The following QPCT variants were observed in gnomAD, a reference collection of about 807,000 sequenced individuals.
QPCT encodes glutaminyl-peptide cyclotransferase.
QPCT carries 44 observed loss-of-function variants against 43.4 expected under a neutral mutation model. That is an observed-to-expected ratio of 1.01 (90% CI 0.80 to 1.30). The LOEUF is 1.30. Ranked by LOEUF, QPCT falls within the 50% of genes most tolerant of loss-of-function variation. The pLI is 0.00. For synonymous variants in QPCT, 168 were observed against 168.4 expected (o/e 1.00, Z 0.02); for missense variants, 526 against 436.5 (o/e 1.21, Z -1.83).
chr2:37,356,462 T>C (rs773069303), intron 2 of QPCT, among the ~76,000 whole-genome samples: 6 of 152,172 alleles, frequency 3.9e-5, no homozygotes, highest in African/African-American at 9.7e-5. Flanking sequence ...TGCTTTGGTA[T>C]TGGGGAAGGC....
At chr2:37,354,111 G>T (rs10189564) in intron 2 of QPCT, among the ~76,000 whole-genome samples, 1 of 152,154 alleles carries the variant, frequency 6.6e-6, no homozygotes, top group Non-Finnish European at 1.5e-5. Flanking sequence ...TGATCCGCCC[G>T]CCTCGGCCTC....
intron 3 of QPCT, among the ~76,000 whole-genome samples, chr2:37,360,665 T>C (rs1439834110): frequency 6.6e-6 from 1 of 152,218 alleles, no homozygotes; most frequent in Admixed American, 6.5e-5. Flanking sequence ...TATCTTGTAA[T>C]GGAAGTAGTA....
At chr2:37,347,377 G>A (rs982608551) in intron 1 of QPCT, among the ~76,000 whole-genome samples, 3 of 150,344 alleles carry the variant, frequency 2.0e-5, no homozygotes, top group South Asian at 4.2e-4. Flanking sequence ...GCTAGGGTTT[G>A]GCTTAAGCCC....
At chr2:37,360,137 A>C (rs1418109585) in intron 3 of QPCT, 2 of 409,408 alleles carry the variant, frequency 4.9e-6, no homozygotes, top group African/African-American at 2.0e-5. Flanking sequence ...AAAATGAAGG[A>C]GGAAGTTTGT....
intron 4 of QPCT, chr2:37,368,791 C>T: frequency 2.4e-6 from 1 of 409,974 alleles, no homozygotes; most frequent in South Asian, 1.8e-5. Context: ...TATGAAGCCA[C>T]AGTGATTCAT....
intron 1 of QPCT, among the ~76,000 whole-genome samples, chr2:37,345,761 GGGGGGC>G (rs1672473621): frequency 6.6e-6 from 1 of 151,694 alleles, no homozygotes; most frequent in Non-Finnish European, 1.5e-5. Flanking sequence ...GCGTGAACCC[GGGGGGC>G]GGAGCTTGCA....
rs1672982034 is a variant in QPCT at position 37,367,304 on chromosome 2, T to C, written c.619T>C (p.Trp207Arg). Residue 207 changes from tryptophan (W) to arginine (R), a missense_variant, in exon 4 of 7, where the codon TGG becomes CGG. Trp to Arg is a moderately radical substitution (Grantham distance 101). Coordinates refer to ENST00000338415, the MANE Select transcript of QPCT (RefSeq NM_012413.4). Reference sequence around the variant, plus strand: ...TGATGGTGAAGAGGCTTTTCTTCACTGGTCTCCTCAAGATTCTCTCTATGG... The same window carrying C: ...TGATGGTGAAGAGGCTTTTCTTCACCGGTCTCCTCAAGATTCTCTCTATGG... ...FFDGEEAFLH[W>R]SPQDSLYGSR... 6.2e-7 allele frequency: 1 copy of C among 1,614,116 alleles called. No individual in the cohort carries two copies. Among genetic ancestry groups the C allele is most frequent in the Non-Finnish European group, 8.5e-7 (1 of 1,179,958 alleles).
intron 2 of QPCT, among the ~76,000 whole-genome samples, chr2:37,355,989 A>G (rs1416642793): frequency 6.6e-6 from 1 of 152,102 alleles, no homozygotes; most frequent in Non-Finnish European, 1.5e-5. Flanking sequence ...TGCACTCAAG[A>G]GTAAAGAGGT....
intron 3 of QPCT, among the ~76,000 whole-genome samples, chr2:37,362,868 A>G (rs967058623): frequency 3.3e-5 from 5 of 152,176 alleles, no homozygotes; most frequent in African/African-American, 1.2e-4. Flanking sequence ...GAATATGTGG[A>G]TGTAGAGATT....
intron 1 of QPCT, among the ~76,000 whole-genome samples, chr2:37,346,945 G>A (rs1672500233): frequency 6.6e-6 from 1 of 151,418 alleles, no homozygotes; most frequent in African/African-American, 2.4e-5. Flanking sequence ...TTGAAATAAA[G>A]ATGTTTCTCT....
chr2:37,366,173 G>A (rs1428662091), intron 3 of QPCT, among the ~76,000 whole-genome samples: 1 of 152,222 alleles, frequency 6.6e-6, no homozygotes, highest in Non-Finnish European at 1.5e-5. Context: ...AGGGGTTCCA[G>A]TGGGATTGAA....
At chr2:37,372,496 T>TTG (rs763247640) in intron 6 of QPCT, 24 bp downstream of exon 6, 49 of 1,460,928 alleles carry the variant, frequency 3.4e-5, no homozygotes, top group Admixed American at 1.0e-4. Flanking sequence ...GTGTGTGTGT[T>TTG]TGTGTGTGTG....
chr2:37,360,877 T>C (rs1386437482), intron 3 of QPCT, among the ~76,000 whole-genome samples: 1 of 152,220 alleles, frequency 6.6e-6, no homozygotes, highest in Non-Finnish European at 1.5e-5. Context: ...CAAAAGCTGA[T>C]GCAAAAGTCT....
intron 4 of QPCT, 55 bp from the exon 5 acceptor site, chr2:37,369,630 T>C (rs562647459): frequency 1.4e-5 from 18 of 1,306,540 alleles, no homozygotes; most frequent in Admixed American, 8.5e-5. Flanking sequence ...TCCCTGTTGA[T>C]GAATATAAAA....
At chr2:37,353,458 C>G (rs937801849) in intron 2 of QPCT, among the ~76,000 whole-genome samples, 1 of 152,172 alleles carries the variant, frequency 6.6e-6, no homozygotes, top group Non-Finnish European at 1.5e-5. Context: ...ACATTTTATA[C>G]ACACAAACGT....
intron 1 of QPCT, among the ~76,000 whole-genome samples, chr2:37,345,928 A>C (rs754853310): frequency 6.6e-6 from 1 of 152,214 alleles, no homozygotes; most frequent in Non-Finnish European, 1.5e-5. Context: ...TGAAATCATG[A>C]AATTGCTAAG....
intron 1 of QPCT, among the ~76,000 whole-genome samples, chr2:37,349,138 T>C (rs1360833776): frequency 2.0e-5 from 3 of 152,238 alleles, no homozygotes; most frequent in African/African-American, 4.8e-5. Context: ...TTTCCTCTTC[T>C]CTGTCCTTCA....
chr2:37,355,969 T>C (rs1672735310), intron 2 of QPCT, among the ~76,000 whole-genome samples: 2 of 152,000 alleles, frequency 1.3e-5, no homozygotes, highest in Admixed American at 6.6e-5. Flanking sequence ...CCCGAGGGAC[T>C]CATATATGGT....
At chr2:37,348,279 A>G (rs1317501617) in intron 1 of QPCT, among the ~76,000 whole-genome samples, 1 of 152,184 alleles carries the variant, frequency 6.6e-6, no homozygotes, top group East Asian at 1.9e-4. Context: ...ACAGCTAATA[A>G]GCGAGGGAGC....
Sources: allele counts gnomAD v4.1 joint callset (sites outside exome capture counted in the v4.1 genomes callset), GRCh38; gene constraint gnomAD v4.1.1; transcripts MANE v1.5; gene names NCBI Gene and HGNC (gene_info 2026-07-23, HGNC 2026-07-21).